NGEF: variants seen among roughly 807,000 people sequenced by gnomAD.
NGEF encodes the protein neuronal guanine nucleotide exchange factor, also known as ephexin-1.
NGEF carries 31 observed loss-of-function variants against 80.9 expected under a neutral mutation model. That is an observed-to-expected ratio of 0.38 (90% CI 0.29 to 0.52). NGEF has a LOEUF of 0.52. Among genes scored for constraint, NGEF ranks in the 20% least tolerant of loss-of-function variants. The pLI, the probability that NGEF is intolerant of heterozygous loss-of-function variation, is 0.84. For synonymous variants in NGEF, 371 were observed against 370.2 expected (o/e 1.00, Z -0.03); for missense variants, 709 against 926.2 (o/e 0.77, Z 3.04).
chr2:232,928,149 C>A, intron 3 of NGEF: 1 of 987,320 alleles, frequency 1.0e-6, no homozygotes, highest in Non-Finnish European at 1.2e-6. Flanking sequence ...CGCTGCCGAG[C>A]ACTCCCGCGG....
chr2:232,893,089 G>C, intron 6 of NGEF, 39 bp from the exon 7 acceptor site: 1 of 1,591,144 alleles, frequency 6.3e-7, no homozygotes, highest in Non-Finnish European at 8.6e-7. Flanking sequence ...GGTGCCCGGG[G>C]GGTAGGGTGG....
At chr2:232,910,180 G>T (rs1389454782) in intron 5 of NGEF, among the ~76,000 whole-genome samples, 2 of 151,652 alleles carry the variant, frequency 1.3e-5, no homozygotes, top group Non-Finnish European at 2.9e-5. Context: ...ATGGTCTCCA[G>T]TTTTTTTAGC....
intron 3 of NGEF, 86 bp downstream of exon 3, chr2:232,970,128 C>T (rs1462142727): frequency 3.3e-6 from 2 of 604,358 alleles, no homozygotes; most frequent in East Asian, 3.1e-5. Flanking sequence ...AACATGACAC[C>T]CTCGTAACCC....
Position 232,970,258 on chromosome 2 carries a change from A to C in NGEF, c.339T>G (p.Pro113=). Residue 113 remains proline (P), a synonymous_variant, in exon 3 of 15, where the codon CCT becomes CCG. Coordinates refer to ENST00000264051, the MANE Select transcript of NGEF (RefSeq NM_019850.3). The stretch of plus-strand genomic sequence containing the variant: ...GGTCTGTCTGCATTGCTGTTCTGCA[A>C]GGAGGCATTCTGCTCCAGGGGATAT... ...TLNIPWSRMP[P]CRTAMQTDPG... 2 of 1,605,844 alleles carry C rather than the reference A, an allele frequency of 1.2e-6. No individual in the cohort carries two copies. The highest frequency in any genetic ancestry group is 1.7e-6 in the Non-Finnish European group (2 of 1,177,428).
At chr2:232,883,530 GC>G in intron 11 of NGEF, 64 bp from the exon 12 acceptor site, 1 of 1,415,118 alleles carries the variant, frequency 7.1e-7, no homozygotes, top group Non-Finnish European at 9.3e-7. Flanking sequence ...TCCCAGGAGA[GC>G]CCCACTTGGC....
At chr2:232,910,800 G>A (rs2106266399) in intron 5 of NGEF, among the ~76,000 whole-genome samples, 1 of 152,280 alleles carries the variant, frequency 6.6e-6, no homozygotes, top group African/African-American at 2.4e-5. Context: ...ATCTGCTTTG[G>A]TGAAGTATCT....
At chr2:232,932,207 C>T (rs1693230042) in intron 3 of NGEF, among the ~76,000 whole-genome samples, 1 of 135,138 alleles carries the variant, frequency 7.4e-6, no homozygotes, top group African/African-American at 2.8e-5. Flanking sequence ...CTCTATTGCC[C>T]AGGCTGGAGT....
chr2:232,886,157 G>A (rs1476328208), intron 9 of NGEF, among the ~76,000 whole-genome samples: 2 of 151,278 alleles, frequency 1.3e-5, no homozygotes, highest in African/African-American at 4.9e-5. Flanking sequence ...ATGCATGTGC[G>A]GTGTGTACTG....
At chr2:232,907,834 C>T (rs1486547327) in intron 5 of NGEF, among the ~76,000 whole-genome samples, 3 of 152,114 alleles carry the variant, frequency 2.0e-5, no homozygotes, top group South Asian at 2.1e-4. Flanking sequence ...TTGGGCCGGG[C>T]ACGGTGGCTC....
chr2:232,998,079 G>A (rs980271524), intron 1 of NGEF, among the ~76,000 whole-genome samples: 3 of 152,176 alleles, frequency 2.0e-5, no homozygotes, highest in Admixed American at 6.5e-5. Flanking sequence ...AGAAGGTGGT[G>A]GTGGAGACAA....
chr2:232,945,499 A>T (rs1693538717), intron 3 of NGEF, among the ~76,000 whole-genome samples: 1 of 151,972 alleles, frequency 6.6e-6, no homozygotes, highest in South Asian at 2.1e-4. Flanking sequence ...ACAGACACAG[A>T]CACAGAGAAA....
chr2:232,896,333 G>T (rs1386857780), intron 5 of NGEF, among the ~76,000 whole-genome samples: 1 of 152,160 alleles, frequency 6.6e-6, no homozygotes, highest in Non-Finnish European at 1.5e-5. Flanking sequence ...CACAGACAGA[G>T]ATGGGACTGA....
At chr2:232,949,880 C>T (rs1289263063) in intron 3 of NGEF, among the ~76,000 whole-genome samples, 2 of 151,720 alleles carry the variant, frequency 1.3e-5, no homozygotes, top group South Asian at 2.1e-4. Flanking sequence ...GGTGCCATCT[C>T]GGCTCACCAC....
chr2:232,879,632 G>C lies in NGEF; in HGVS notation c.1990C>G (p.Pro664Ala). 1 of 1,613,470 alleles carries C rather than the reference G, an allele frequency of 6.2e-7. No individual in the cohort carries two copies. Among genetic ancestry groups the C allele is most frequent in the Non-Finnish European group, 8.5e-7 (1 of 1,179,952 alleles). The change falls in exon 15 of 15, where the codon CCC becomes GCC. Residue 664 changes from proline to alanine, a missense_variant. Transcript: ENST00000264051. ...AAGATCTCCTCAGTCATGGAGCTGG[G>C]GAACCAGCCTCTCTCCTGGTCGTGC... Reference protein sequence around the residue: ...RLHDQERGWFPSSMTEEILNP... With the variant: ...RLHDQERGWFASSMTEEILNP...
intron 3 of NGEF, among the ~76,000 whole-genome samples, chr2:232,934,569 T>G (rs1204316559): frequency 6.6e-6 from 1 of 152,218 alleles, no homozygotes. Flanking sequence ...CATTTTCCAT[T>G]GCGTTTAGTG....
Position 232,884,217 on chromosome 2 carries a change from G to A in NGEF, c.1438-73C>T, listed in dbSNP as rs756820626. On this transcript the variant is annotated intron_variant, in intron 10 of 14. Coordinates refer to ENST00000264051, the MANE Select transcript of NGEF (RefSeq NM_019850.3). Reference sequence around the variant, plus strand: ...CCCCAGGACATGCCCCCAGGGCTGCGTCTGTCACATTCCCTGACACCTGCC... The same window carrying A: ...CCCCAGGACATGCCCCCAGGGCTGCATCTGTCACATTCCCTGACACCTGCC... 111 of 1,417,808 alleles carry A rather than the reference G, an allele frequency of 7.8e-5. 1 individual carries two copies. The highest frequency in any genetic ancestry group is 4.2e-4 in the South Asian group (28 of 66,096). 87.8% of individuals were successfully genotyped at this position (1,417,808 alleles called of 1,614,324 possible). A position where few individuals can be genotyped will look rare whatever the true frequency, so the allele number is the denominator to read the frequency against.
intron 3 of NGEF, among the ~76,000 whole-genome samples, chr2:232,964,358 G>A (rs1304292717): frequency 2.0e-5 from 3 of 152,122 alleles, no homozygotes; most frequent in African/African-American, 7.2e-5. Flanking sequence ...TCAACAGAAG[G>A]GTAGATAAGC....
At chr2:232,953,582 TG>T (rs1693730977) in intron 3 of NGEF, among the ~76,000 whole-genome samples, 1 of 151,642 alleles carries the variant, frequency 6.6e-6, no homozygotes, top group African/African-American at 2.4e-5. Context: ...AATTAGGAAA[TG>T]GGATCAAAAT....
In NGEF at chr2:232,968,697, G is replaced by T. The variant is rs910844581; in HGVS notation, c.383+1517C>A. 3.3e-5 allele frequency among the ~76,000 whole-genome samples: 5 copies of T among 152,172 alleles called. No homozygotes were observed. In the East Asian group the frequency reaches 9.7e-4, roughly 29 times the overall value. On this transcript the variant is annotated intron_variant, in intron 3 of 14. Coordinates refer to ENST00000264051, the MANE Select transcript of NGEF (RefSeq NM_019850.3). ...CTGGATTATAGGCATGAGCCACTGC[G>T]CCTGGCCCAGACCTGCTTTTAAATG...
Sources: allele counts gnomAD v4.1 joint callset (sites outside exome capture counted in the v4.1 genomes callset), GRCh38; gene constraint gnomAD v4.1.1; transcripts MANE v1.5; gene names NCBI Gene and HGNC (gene_info 2026-07-23, HGNC 2026-07-21).